HS3ST4: variants seen among roughly 807,000 people sequenced by gnomAD.
HS3ST4 encodes heparan sulfate glucosamine 3-O-sulfotransferase 4.
Under a neutral mutation model 29.2 loss-of-function variants are expected in HS3ST4, and 17 were observed. The observed-to-expected ratio is 0.58, with a 90% CI of 0.40 to 0.87. The LOEUF is 0.87. HS3ST4 is among the 40% of genes least tolerant of loss of function. HS3ST4 has a pLI of 0.00. For synonymous variants in HS3ST4, 314 were observed against 285.7 expected (o/e 1.10, Z -1.00); for missense variants, 627 against 634.5 (o/e 0.99, Z 0.13).
Position 25,817,822 on chromosome 16 carries a change from A to T in HS3ST4, c.734+124671A>T, listed in dbSNP as rs181208567. On this transcript the variant is annotated intron_variant, in intron 1 of 1. Coordinates refer to ENST00000331351, the MANE Select transcript of HS3ST4 (RefSeq NM_006040.3). Reference sequence around the variant, plus strand: ...CTGTATATGGTTGAACCATGATTTCAACTGTGCCTCTGTGGCTAGGGATAT... The same window carrying T: ...CTGTATATGGTTGAACCATGATTTCTACTGTGCCTCTGTGGCTAGGGATAT... Among the ~76,000 whole-genome samples, 398 of 152,326 alleles carry T rather than the reference A, an allele frequency of 2.6e-3. 1 individual carries two copies. Among genetic ancestry groups the T allele is most frequent in the Non-Finnish European group, 4.6e-3 (310 of 68,030 alleles).
chr16:26,115,450 G>A (rs1899190504), intron 1 of HS3ST4, among the ~76,000 whole-genome samples: 1 of 152,080 alleles, frequency 6.6e-6, no homozygotes. Flanking sequence ...AATGACAGCA[G>A]ACAGTCAGGG....
intron 1 of HS3ST4, among the ~76,000 whole-genome samples, chr16:26,057,521 G>A (rs564710441): frequency 1.3e-5 from 2 of 152,298 alleles, no homozygotes; most frequent in South Asian, 2.1e-4. Context: ...GTGGGAGGCT[G>A]AGGTGGGCAG....
chr16:26,023,265 A>G (rs143597097), intron 1 of HS3ST4, among the ~76,000 whole-genome samples: 1 of 152,040 alleles, frequency 6.6e-6, no homozygotes, highest in Admixed American at 6.6e-5. Flanking sequence ...AGGTATAAGT[A>G]TGGTGACTAT....
chr16:25,918,591 TA>T (rs1456464444), intron 1 of HS3ST4, among the ~76,000 whole-genome samples: 3 of 152,090 alleles, frequency 2.0e-5, no homozygotes, highest in Non-Finnish European at 4.4e-5. Flanking sequence ...TGTGGTTTGG[TA>T]AAGGATGAAG....
At chr16:26,021,110 C>T (rs1185084019) in intron 1 of HS3ST4, among the ~76,000 whole-genome samples, 1 of 152,174 alleles carries the variant, frequency 6.6e-6, no homozygotes, top group Non-Finnish European at 1.5e-5. Context: ...AGGTAATGAT[C>T]ACTGCAAACA....
intron 1 of HS3ST4, among the ~76,000 whole-genome samples, chr16:25,945,906 A>G (rs572040003): frequency 1.3e-5 from 2 of 152,320 alleles, no homozygotes; most frequent in South Asian, 2.1e-4. Flanking sequence ...TTTCACAAAT[A>G]TTACATGATT....
intron 1 of HS3ST4, among the ~76,000 whole-genome samples, chr16:25,845,088 A>G (rs1036905962): frequency 6.6e-6 from 1 of 152,112 alleles, no homozygotes; most frequent in African/African-American, 2.4e-5. Flanking sequence ...AAAAATAGCT[A>G]ATGGATGCTG....
intron 1 of HS3ST4, among the ~76,000 whole-genome samples, chr16:25,706,638 A>G (rs1304810155): frequency 2.0e-5 from 3 of 152,074 alleles, no homozygotes; most frequent in Non-Finnish European, 4.4e-5. Flanking sequence ...CGGTGGCCTA[A>G]CCTGCTTTCT....
At chr16:25,886,729 G>C (rs1402904503) in intron 1 of HS3ST4, 1 of 152,260 alleles carries the variant, frequency 6.6e-6, no homozygotes, top group African/African-American at 2.4e-5. Context: ...GGAACTGCAA[G>C]TAGTTCATTC....
rs527979716 is a variant in HS3ST4, at chr16:26,125,539, C to T, written c.735-10073C>T. 1.2e-4 allele frequency among the ~76,000 whole-genome samples: 18 copies of T among 152,386 alleles called. No individual in the cohort carries two copies. The East Asian group carries it at 2.9e-3, about 24-fold the overall frequency. ...CAGGACATGGACCAGTACTGGTCTG[C>T]AGCCCAGCGGTTGGGGACCCCTGCT... On this transcript the variant is annotated intron_variant, in intron 1 of 1. Transcript: ENST00000331351.
At chr16:25,882,174 G>A (rs979639575) in intron 1 of HS3ST4, among the ~76,000 whole-genome samples, 1 of 152,180 alleles carries the variant, frequency 6.6e-6, no homozygotes, top group African/African-American at 2.4e-5. Context: ...ACAGAGTCCA[G>A]AGGGCAACCC....
intron 1 of HS3ST4, among the ~76,000 whole-genome samples, chr16:25,725,033 CT>C (rs5816321): frequency 0.13 from 17,136 of 132,058 alleles, 1,089 homozygotes; most frequent in African/African-American, 0.17. Flanking sequence ...CTTCCTCCCT[CT>C]TTTTTTTTTT....
intron 1 of HS3ST4, among the ~76,000 whole-genome samples, chr16:25,795,852 C>T (rs1567241656): frequency 1.3e-5 from 2 of 152,158 alleles, no homozygotes; most frequent in African/African-American, 2.4e-5. Context: ...CGTGTCCCAA[C>T]TTAGGCCTTG....
chr16:26,054,096 T>C (rs947895745), intron 1 of HS3ST4, among the ~76,000 whole-genome samples: 1 of 152,154 alleles, frequency 6.6e-6, no homozygotes, highest in South Asian at 2.1e-4. Flanking sequence ...CATATGGCCG[T>C]GCCTGAGATT....
chr16:26,101,508 C>T (rs1484483191), intron 1 of HS3ST4, among the ~76,000 whole-genome samples: 4 of 152,202 alleles, frequency 2.6e-5, no homozygotes, highest in Non-Finnish European at 4.4e-5. Context: ...GTGGAATGTG[C>T]TCAGTAAACA....
At chr16:25,739,953 A>C (rs1966641243) in intron 1 of HS3ST4, among the ~76,000 whole-genome samples, 1 of 152,230 alleles carries the variant, frequency 6.6e-6, no homozygotes. Context: ...CTCTTTACCC[A>C]GTGCTCAGTG....
chr16:25,713,529 AAAACAAAC>A (rs60981273), intron 1 of HS3ST4, among the ~76,000 whole-genome samples: 89,147 of 150,406 alleles, frequency 0.59, 27,201 homozygotes, highest in Admixed American at 0.68. Context: ...CCCTGTCTCA[AAAACAAAC>A]AAACAAACAA....
intron 1 of HS3ST4, among the ~76,000 whole-genome samples, chr16:25,756,176 A>C (rs1052337654): frequency 1.1e-4 from 17 of 149,412 alleles, no homozygotes; most frequent in Admixed American, 2.0e-4. Flanking sequence ...ACACACACAC[A>C]CCCTGCCTTA....
chr16:25,896,857 A>T (rs978938316), intron 1 of HS3ST4, among the ~76,000 whole-genome samples: 17 of 152,214 alleles, frequency 1.1e-4, no homozygotes, highest in African/African-American at 4.1e-4. Flanking sequence ...AGCAACAGGG[A>T]TGCAGCTGGA....
Sources: allele counts gnomAD v4.1 joint callset (sites outside exome capture counted in the v4.1 genomes callset), GRCh38; gene constraint gnomAD v4.1.1; transcripts MANE v1.5; gene names NCBI Gene and HGNC (gene_info 2026-07-23, HGNC 2026-07-21).